Variants in PABPC4L observed in about 807,000 individuals in gnomAD.
PABPC4L encodes polyadenylate-binding protein 4-like.
For missense variants in PABPC4L, 452 were observed against 451.4 expected (o/e 1.00, Z -0.01); for synonymous variants, 169 against 164.1 (o/e 1.03, Z -0.23).
At chr4:134,007,423 T>C in the PABPC4L span, among the ~76,000 whole-genome samples, 2 of 151,778 alleles carry the variant, frequency 1.3e-5, no homozygotes, top group Non-Finnish European at 3.0e-5. Context: ...TACTACTTCT[T>C]TAGTAACCTT....
the PABPC4L span, among the ~76,000 whole-genome samples, chr4:134,153,699 G>T: frequency 1.3e-5 from 2 of 151,446 alleles, 1 homozygote; most frequent in Admixed American, 1.3e-4. Context: ...CCATGCTGGG[G>T]TGCAGTGGTG....
the PABPC4L span, among the ~76,000 whole-genome samples, chr4:134,188,682 C>T: frequency 6.6e-6 from 1 of 152,016 alleles, no homozygotes; most frequent in South Asian, 2.1e-4. Context: ...AACTCAGTTA[C>T]TCATCTATAG....
the PABPC4L span, among the ~76,000 whole-genome samples, chr4:134,128,577 T>A: frequency 6.6e-6 from 1 of 151,976 alleles, no homozygotes; most frequent in Non-Finnish European, 1.5e-5. Flanking sequence ...GAAGGAAAGA[T>A]AACAGTCTTT....
the PABPC4L span, among the ~76,000 whole-genome samples, chr4:134,135,721 T>C: frequency 6.6e-6 from 1 of 151,998 alleles, no homozygotes; most frequent in African/African-American, 2.4e-5. Flanking sequence ...TAATCCCAGA[T>C]ACTCGGGAGG....
At chr4:134,090,459 AC>A in the PABPC4L span, among the ~76,000 whole-genome samples, 5 of 152,072 alleles carry the variant, frequency 3.3e-5, 1 homozygote, top group Non-Finnish European at 7.4e-5. Context: ...AAGTCTCAGC[AC>A]TATTCATTAA....
chr4:134,079,542 G>T, the PABPC4L span, among the ~76,000 whole-genome samples: 3 of 134,258 alleles, frequency 2.2e-5, no homozygotes, highest in Non-Finnish European at 4.6e-5. Context: ...TTGTGACGCT[G>T]CACTCCACCC....
the PABPC4L span, among the ~76,000 whole-genome samples, chr4:134,106,790 G>C: frequency 6.6e-6 from 1 of 151,346 alleles, no homozygotes; most frequent in Non-Finnish European, 1.5e-5. Flanking sequence ...GATTCTTTCT[G>C]ATACTCAAAA....
In PABPC4L at chr4:134,199,809, A is replaced by G. The variant is rs969307102; in HGVS notation, c.*98T>C. ...AAGTTTACTAAACTAAGCACCCATCATGTGGAATATGAAATTTACTGAGGT... is the reference window on the plus strand; with the variant it reads ...AAGTTTACTAAACTAAGCACCCATCGTGTGGAATATGAAATTTACTGAGGT... On this transcript the variant is annotated 3_prime_UTR_variant, in exon 2 of 2. Transcript: ENST00000421491. 1.4e-6 allele frequency: 2 copies of G among 1,409,716 alleles called. No individual in the cohort carries two copies. The highest frequency in any genetic ancestry group is 1.9e-6 in the Non-Finnish European group (2 of 1,054,636). 87.3% of individuals were successfully genotyped at this position (1,409,716 alleles called of 1,614,324 possible).
At chr4:134,114,544 G>A in the PABPC4L span, among the ~76,000 whole-genome samples, 1 of 151,772 alleles carries the variant, frequency 6.6e-6, no homozygotes, top group South Asian at 2.1e-4. Context: ...ACTGGGGGAA[G>A]GACTTCCATC....
chr4:134,075,400 C>G, the PABPC4L span, among the ~76,000 whole-genome samples: 1 of 152,146 alleles, frequency 6.6e-6, no homozygotes, highest in Non-Finnish European at 1.5e-5. Context: ...TAGTCAATAT[C>G]TTCATTGAGT....
the PABPC4L span, among the ~76,000 whole-genome samples, chr4:134,044,324 C>CA: frequency 2.0e-5 from 3 of 152,080 alleles, no homozygotes; most frequent in African/African-American, 7.2e-5. Context: ...AGTGCAGTGG[C>CA]ACCATCTCGG....
chr4:134,195,711 A>G (rs541379467), downstream of PABPC4L, among the ~76,000 whole-genome samples: 9 of 151,798 alleles, frequency 5.9e-5, no homozygotes, highest in East Asian at 1.7e-3. Context: ...CATTCAGGGC[A>G]ACTACAATTT....
chr4:133,953,457 C>A, the PABPC4L span, among the ~76,000 whole-genome samples: 1 of 152,104 alleles, frequency 6.6e-6, no homozygotes, highest in African/African-American at 2.4e-5. Context: ...TAATATCAGG[C>A]CAGCTTTTAG....
At chr4:134,194,679 G>T (rs1310976258), downstream of PABPC4L, among the ~76,000 whole-genome samples, 1 of 151,612 alleles carries the variant, frequency 6.6e-6, no homozygotes, top group African/African-American at 2.4e-5. Context: ...TGGAAGATTT[G>T]TTCCACCTGT....
chr4:133,954,569 G>C, the PABPC4L span, among the ~76,000 whole-genome samples: 1 of 152,072 alleles, frequency 6.6e-6, no homozygotes, highest in South Asian at 2.1e-4. Flanking sequence ...CTCCCCAACA[G>C]ACTATACAGG....
At chr4:134,084,158 C>A in the PABPC4L span, among the ~76,000 whole-genome samples, 3 of 152,196 alleles carry the variant, frequency 2.0e-5, no homozygotes, top group African/African-American at 7.2e-5. Context: ...AAGGGATTAT[C>A]CTGCCTCAGT....
chr4:134,120,791 T>C, the PABPC4L span, among the ~76,000 whole-genome samples: 2 of 151,490 alleles, frequency 1.3e-5, no homozygotes, highest in South Asian at 2.1e-4. Flanking sequence ...TTGTTTACTA[T>C]ATGTGTTTAG....
At chr4:134,052,594 G>A in the PABPC4L span, among the ~76,000 whole-genome samples, 12 of 151,730 alleles carry the variant, frequency 7.9e-5, no homozygotes, top group African/African-American at 2.9e-4. Context: ...ATTTCTCCCT[G>A]GAACATGAAA....
the PABPC4L span, among the ~76,000 whole-genome samples, chr4:133,972,462 G>A: frequency 2.0e-4 from 31 of 152,246 alleles, no homozygotes; most frequent in Middle Eastern, 0.01. Flanking sequence ...TCTAGGGGCA[G>A]ATAGTATTGT....
Sources: allele counts gnomAD v4.1 joint callset (sites outside exome capture counted in the v4.1 genomes callset), GRCh38; gene constraint gnomAD v4.1.1; transcripts MANE v1.5; gene names NCBI Gene and HGNC (gene_info 2026-07-23, HGNC 2026-07-21).